Variants in DLGAP2 observed in about 807,000 individuals in gnomAD.
DLGAP2 encodes DLG associated protein 2.
A neutral mutation model predicts 100.3 loss-of-function variants in DLGAP2; 26 were observed. The ratio of observed to expected loss-of-function variants is 0.26; its 90% CI spans 0.19 to 0.36. The LOEUF is 0.36. DLGAP2 is among the 10% of genes least tolerant of loss of function. The pLI is 1.00. For missense variants in DLGAP2, 1,858 were observed against 1,453.2 expected (o/e 1.28, Z -4.53); for synonymous variants, 886 against 630.1 (o/e 1.41, Z -6.08).
chr8:1,272,916 C>T (rs1228225086), intron 3 of DLGAP2, among the ~76,000 whole-genome samples: 4 of 152,080 alleles, frequency 2.6e-5, no homozygotes, highest in East Asian at 1.9e-4. Context: ...TTCATGACCA[C>T]GTAAAAGGTG....
intron 3 of DLGAP2, among the ~76,000 whole-genome samples, chr8:1,434,813 C>T (rs575723193): frequency 1.3e-5 from 2 of 152,168 alleles, no homozygotes; most frequent in African/African-American, 4.8e-5. Flanking sequence ...GCTCCGTGAA[C>T]ATGAGTAACA....
chr8:954,603 C>T (rs866771629), intron 2 of DLGAP2, among the ~76,000 whole-genome samples: 1 of 152,030 alleles, frequency 6.6e-6, no homozygotes, highest in Non-Finnish European at 1.5e-5. Flanking sequence ...GAATAAAAAG[C>T]AAGTCATACA....
chr8:888,941 C>T (rs190131968), intron 1 of DLGAP2, among the ~76,000 whole-genome samples: 164 of 152,212 alleles, frequency 1.1e-3, no homozygotes, highest in African/African-American at 3.8e-3. Flanking sequence ...CTGTTTATTT[C>T]ATCTGGATGC....
At chr8:1,119,768 C>T (rs1453451031) in intron 2 of DLGAP2, among the ~76,000 whole-genome samples, 1 of 152,196 alleles carries the variant, frequency 6.6e-6, no homozygotes, top group African/African-American at 2.4e-5. Context: ...CCACAGCTGC[C>T]TCTAGAGTTG....
At chr8:1,010,204 C>T (rs567370979) in intron 2 of DLGAP2, among the ~76,000 whole-genome samples, 24 of 152,276 alleles carry the variant, frequency 1.6e-4, no homozygotes, top group African/African-American at 4.6e-4. Context: ...TGCACATGTG[C>T]ACACTCAGAT....
intron 2 of DLGAP2, among the ~76,000 whole-genome samples, chr8:969,320 T>C (rs1026118921): frequency 1.3e-5 from 2 of 152,150 alleles, no homozygotes; most frequent in African/African-American, 4.8e-5. Flanking sequence ...GCCGACACAC[T>C]CTGCAGATCT....
At chr8:1,261,157 A>C (rs776825544) in intron 3 of DLGAP2, among the ~76,000 whole-genome samples, 2 of 152,090 alleles carry the variant, frequency 1.3e-5, no homozygotes, top group African/African-American at 2.4e-5. Flanking sequence ...GTCAGCTTCC[A>C]GATCTTTAAA....
chr8:1,523,510 A>C (rs971483492), intron 4 of DLGAP2, among the ~76,000 whole-genome samples: 2 of 152,152 alleles, frequency 1.3e-5, no homozygotes, highest in Non-Finnish European at 2.9e-5. Context: ...GCTGTGCCTT[A>C]GACGGGGGGG....
At chr8:897,621 C>A (rs147242007) in intron 1 of DLGAP2, among the ~76,000 whole-genome samples, 1 of 152,166 alleles carries the variant, frequency 6.6e-6, no homozygotes. Context: ...TCCCAAGACC[C>A]GGCACCCCCT....
At chr8:1,551,697 AC>A (rs1210119335) in intron 5 of DLGAP2, among the ~76,000 whole-genome samples, 4 of 152,068 alleles carry the variant, frequency 2.6e-5, no homozygotes, top group Non-Finnish European at 5.9e-5. Context: ...ATCTGCACTC[AC>A]GCCTTCCCAC....
chr8:813,273 A>T (rs1236170300), intron 1 of DLGAP2, among the ~76,000 whole-genome samples: 1 of 152,098 alleles, frequency 6.6e-6, no homozygotes, highest in Non-Finnish European at 1.5e-5. Flanking sequence ...ACGAAAAAAA[A>T]ACCAAAATGC....
chr8:800,119 A>G (rs1284263216), intron 1 of DLGAP2, among the ~76,000 whole-genome samples: 1 of 152,030 alleles, frequency 6.6e-6, no homozygotes, highest in Non-Finnish European at 1.5e-5. Context: ...GCTGTCTCTA[A>G]TCTGGTCTAT....
At chr8:850,653 C>T (rs1797168139) in intron 1 of DLGAP2, among the ~76,000 whole-genome samples, 1 of 151,894 alleles carries the variant, frequency 6.6e-6, no homozygotes, top group South Asian at 2.1e-4. Context: ...AAAATTAGAC[C>T]CCAGAAAGCA....
At chr8:745,001 TGCC>T (rs1181940409) in intron 1 of DLGAP2, among the ~76,000 whole-genome samples, 4 of 152,174 alleles carry the variant, frequency 2.6e-5, no homozygotes, top group Admixed American at 6.5e-5. Context: ...TCCCCACACC[TGCC>T]GCAGGGTTTT....
At position 1,476,454 on chromosome 8, in the gene DLGAP2, A is replaced by G. The variant is rs537251294; in HGVS notation, c.107-24912A>G. On this transcript the variant is annotated intron_variant, in intron 3 of 14. Transcript: ENST00000637795. ...CGTCACCTGTTCCTTCCTGTTTTTT[A>G]TAGTTCGGCTGAGCGCAGCGTGGGT... Among the ~76,000 whole-genome samples, 9 of 151,922 alleles carry G rather than the reference A, an allele frequency of 5.9e-5. No homozygotes were observed. The South Asian group carries it at 1.7e-3, about 28-fold the overall frequency.
At chr8:1,064,701 G>T (rs1166429296) in intron 2 of DLGAP2, among the ~76,000 whole-genome samples, 1 of 152,136 alleles carries the variant, frequency 6.6e-6, no homozygotes, top group Non-Finnish European at 1.5e-5. Flanking sequence ...ACCTCTCCAC[G>T]TAGTCAACAC....
chr8:1,163,647 C>A (rs1254387305), intron 2 of DLGAP2, among the ~76,000 whole-genome samples: 1 of 152,154 alleles, frequency 6.6e-6, no homozygotes, highest in African/African-American at 2.4e-5. Flanking sequence ...CTGCAGGCGG[C>A]CGCCTGGGGA....
At chr8:1,343,635 T>C (rs1801469830) in intron 3 of DLGAP2, among the ~76,000 whole-genome samples, 1 of 152,174 alleles carries the variant, frequency 6.6e-6, no homozygotes. Context: ...TAAATGCACG[T>C]CCTGTTTTTC....
chr8:817,974 G>T (rs1308923414), intron 1 of DLGAP2, among the ~76,000 whole-genome samples: 1 of 152,186 alleles, frequency 6.6e-6, no homozygotes, highest in African/African-American at 2.4e-5. Context: ...ATCAGCTGTG[G>T]TCCCATAGGG....
Sources: allele counts gnomAD v4.1 joint callset (sites outside exome capture counted in the v4.1 genomes callset), GRCh38; gene constraint gnomAD v4.1.1; transcripts MANE v1.5; gene names NCBI Gene and HGNC (gene_info 2026-07-23, HGNC 2026-07-21).